Variants in DGKB observed in about 807,000 individuals in gnomAD.
The protein encoded by DGKB is 90 kDa diacylglycerol kinase.
In DGKB, 67 loss-of-function variants were observed where a neutral mutation model predicts 114.3. That is an observed-to-expected ratio of 0.59 (90% confidence interval 0.48 to 0.72). The LOEUF (loss-of-function observed/expected upper bound fraction) is 0.72. Among genes scored for constraint, DGKB ranks in the 30% least tolerant of loss-of-function variants. The probability of loss-of-function intolerance (pLI) is 0.00; values close to 1 mark genes in which losing one functional copy is unlikely to be tolerated. For missense variants in DGKB, 907 were observed against 975.2 expected (o/e 0.93, Z 0.93); for synonymous variants, 398 against 323.1 (o/e 1.23, Z -2.49).
chr7:14,775,882 T>C (rs1286261309), intron 2 of DGKB, among the ~76,000 whole-genome samples: 2 of 151,830 alleles, frequency 1.3e-5, no homozygotes, highest in Non-Finnish European at 2.9e-5. Flanking sequence ...TATCCGAAAA[T>C]GTGGAAGTGA....
chr7:14,770,565 A>G (rs1002044519), intron 2 of DGKB, among the ~76,000 whole-genome samples: 2 of 152,162 alleles, frequency 1.3e-5, no homozygotes, highest in Non-Finnish European at 2.9e-5. Flanking sequence ...GTAACCATTC[A>G]TCAAAATTCC....
chr7:14,270,082 G>C (rs1228990009), intron 23 of DGKB, among the ~76,000 whole-genome samples: 3 of 137,228 alleles, frequency 2.2e-5, no homozygotes, highest in African/African-American at 8.1e-5. Flanking sequence ...AAAAGAGAGA[G>C]ATTCCTGAAT....
intron 23 of DGKB, among the ~76,000 whole-genome samples, chr7:14,242,928 G>T (rs1377049797): frequency 2.7e-5 from 4 of 149,180 alleles, no homozygotes; most frequent in Non-Finnish European, 5.9e-5. Flanking sequence ...GTAAATGTTT[G>T]GAATTTGGAC....
Position 14,565,139 on chromosome 7 carries a change from G to C in DGKB, c.1770+9073C>G, listed in dbSNP as rs138560792. 9.1e-3 allele frequency among the ~76,000 whole-genome samples: 1,378 copies of C among 152,148 alleles called. 15 individuals carry two copies. The highest frequency in any genetic ancestry group is 0.02 in the Middle Eastern group (6 of 294). ...ATTAGCAAGCTGGATGCAAACAGAGGTTTGCATCAAGAGGTTTGCATTGGG... is the reference window on the plus strand; with the variant it reads ...ATTAGCAAGCTGGATGCAAACAGAGCTTTGCATCAAGAGGTTTGCATTGGG... On this transcript the variant is annotated intron_variant, in intron 20 of 25. Transcript: ENST00000402815.
chr7:14,488,590 T>C (rs7801624), intron 20 of DGKB, among the ~76,000 whole-genome samples: 72,173 of 149,808 alleles, frequency 0.48, 17,641 homozygotes, highest in East Asian at 0.77. Flanking sequence ...GAGGCTGAGG[T>C]GGGCAGATCA....
chr7:14,523,940 A>G (rs12154477), intron 20 of DGKB, among the ~76,000 whole-genome samples: 52,029 of 151,962 alleles, frequency 0.34, 9,591 homozygotes, highest in Admixed American at 0.45. Context: ...AAATGGTTAT[A>G]CTATATAGAG....
upstream of DGKB, among the ~76,000 whole-genome samples, chr7:14,905,363 G>T (rs2128241540): frequency 6.6e-6 from 1 of 150,876 alleles, no homozygotes; most frequent in South Asian, 2.1e-4. Flanking sequence ...GTTAAGGATT[G>T]GTGATTGAAT....
At chr7:14,741,556 T>C (rs1832586967) in intron 4 of DGKB, among the ~76,000 whole-genome samples, 1 of 152,284 alleles carries the variant, frequency 6.6e-6, no homozygotes, top group African/African-American at 2.4e-5. Flanking sequence ...AATCCTGGCT[T>C]AGGGAATGAG....
chr7:14,737,351 C>T lies in DGKB; in HGVS notation c.169-1157G>A, dbSNP rs540130943. Among the ~76,000 whole-genome samples the T allele has an allele frequency of 1.5e-3, 194 of 125,566 alleles. 1 individual carries two copies. Among genetic ancestry groups the T allele is most frequent in the South Asian group, 0.013 (47 of 3,750 alleles). 82.4% of individuals were successfully genotyped at this position (125,566 alleles called of 152,430 possible). On this transcript the variant is annotated intron_variant, in intron 4 of 25. Coordinates refer to ENST00000402815, the MANE Select transcript of DGKB (RefSeq NM_001350709.2). ...TGCTGAGATGCAAGAGGAAATTTGGCTGGCTGATGCTCTTAGTTTTGTTCA... is the reference window on the plus strand; with the variant it reads ...TGCTGAGATGCAAGAGGAAATTTGGTTGGCTGATGCTCTTAGTTTTGTTCA...
intron 22 of DGKB, among the ~76,000 whole-genome samples, chr7:14,343,409 T>A (rs564648836): frequency 6.6e-6 from 1 of 151,958 alleles, no homozygotes; most frequent in African/African-American, 2.4e-5. Flanking sequence ...CTGTCAGATC[T>A]CAAGCTCTGT....
chr7:14,661,359 A>T (rs952119659), intron 13 of DGKB, among the ~76,000 whole-genome samples: 4 of 146,046 alleles, frequency 2.7e-5, no homozygotes, highest in Non-Finnish European at 4.5e-5. Flanking sequence ...AATTTACAAG[A>T]AAAAAACAAA....
At chr7:14,951,129 C>A (rs925308839) in intron 1 of DGKB, among the ~76,000 whole-genome samples, 6 of 151,070 alleles carry the variant, frequency 4.0e-5, no homozygotes, top group African/African-American at 1.5e-4. Flanking sequence ...TCTATAAATT[C>A]CACAGCTAAC....
At position 14,842,336 on chromosome 7, in the gene DGKB, C is replaced by T. The variant is rs374643429; in HGVS notation, c.-187-886G>A. On this transcript the variant is annotated intron_variant, in intron 1 of 25. Transcript: ENST00000402815. ...TCTTTACTGTCTTCCAATATCAACCCCAGGACCTCACTGTCAAATCCTGTC... is the reference window on the plus strand; with the variant it reads ...TCTTTACTGTCTTCCAATATCAACCTCAGGACCTCACTGTCAAATCCTGTC... Among the ~76,000 whole-genome samples, 15 of 152,242 alleles carry T rather than the reference C, an allele frequency of 9.9e-5. No individual in the cohort carries two copies. In the East Asian group the frequency reaches 2.7e-3, roughly 27 times the overall value.
At chr7:14,196,725 A>T (rs1339365969) in intron 23 of DGKB, among the ~76,000 whole-genome samples, 1 of 152,106 alleles carries the variant, frequency 6.6e-6, no homozygotes, top group Non-Finnish European at 1.5e-5. Context: ...CTACAGTATA[A>T]GAGATTTTCA....
chr7:14,570,075 G>T (rs935862826), intron 20 of DGKB, among the ~76,000 whole-genome samples: 2 of 150,132 alleles, frequency 1.3e-5, no homozygotes, highest in Admixed American at 6.6e-5. Flanking sequence ...TTTCAATTAG[G>T]TATATATTTT....
chr7:14,628,014 A>G (rs1023912936), intron 14 of DGKB, among the ~76,000 whole-genome samples: 3 of 152,056 alleles, frequency 2.0e-5, no homozygotes, highest in East Asian at 1.9e-4. Flanking sequence ...TCTTTCTCCA[A>G]TCCCTTTGTA....
At chr7:14,450,095 G>C (rs556867230) in intron 21 of DGKB, among the ~76,000 whole-genome samples, 3 of 152,016 alleles carry the variant, frequency 2.0e-5, no homozygotes, top group Admixed American at 2.0e-4. Context: ...AAAAAAATAA[G>C]CTATGACAAG....
intron 21 of DGKB, among the ~76,000 whole-genome samples, chr7:14,462,316 GTC>G (rs1833202864): frequency 1.3e-5 from 2 of 152,116 alleles, no homozygotes; most frequent in Non-Finnish European, 2.9e-5. Flanking sequence ...AAGTCAAATT[GTC>G]TCTGTTTGCA....
chr7:14,967,593 T>C (rs760711694), intron 1 of DGKB, among the ~76,000 whole-genome samples: 1 of 149,098 alleles, frequency 6.7e-6, no homozygotes, highest in Non-Finnish European at 1.5e-5. Context: ...AGTGCTGGGA[T>C]TACAGGTGCG....
Sources: allele counts gnomAD v4.1 joint callset (sites outside exome capture counted in the v4.1 genomes callset), GRCh38; gene constraint gnomAD v4.1.1; transcripts MANE v1.5; gene names NCBI Gene and HGNC (gene_info 2026-07-23, HGNC 2026-07-21).